The following ZRANB3 variants were observed in gnomAD, a reference collection of about 807,000 sequenced individuals.
ZRANB3 encodes zinc finger RANBP2-type containing 3, also known as DNA annealing helicase and endonuclease ZRANB3.
Under a neutral mutation model 133.8 loss-of-function variants are expected in ZRANB3, and 125 were observed. The observed-to-expected ratio is 0.93, with a 90% CI of 0.81 to 1.08. ZRANB3 has a LOEUF of 1.08. Among genes scored for constraint, ZRANB3 ranks in the 50% least tolerant of loss-of-function variants. ZRANB3 has a pLI of 0.00. For synonymous variants in ZRANB3, 387 were observed against 432.7 expected, an observed-to-expected ratio of 0.89 and a Z score of 1.31; for missense variants, 1,229 against 1,275.5, an observed-to-expected ratio of 0.96 and a Z score of 0.56.
At chr2:135,500,850 T>C (rs911509071) in intron 2 of ZRANB3, among the ~76,000 whole-genome samples, 6 of 150,758 alleles carry the variant, frequency 4.0e-5, no homozygotes, top group African/African-American at 1.2e-4. Context: ...ATGAGAGAAC[T>C]TGAAAACAGT....
intron 12 of ZRANB3, among the ~76,000 whole-genome samples, chr2:135,264,382 G>C (rs1264034456): frequency 6.7e-6 from 1 of 149,308 alleles, no homozygotes; most frequent in Non-Finnish European, 1.5e-5. Context: ...TGAGGCAGGA[G>C]AATCGCTTGA....
intron 2 of ZRANB3, among the ~76,000 whole-genome samples, chr2:135,484,604 A>G (rs971117613): frequency 1.2e-4 from 18 of 151,916 alleles, no homozygotes; most frequent in Non-Finnish European, 2.4e-4. Context: ...TATCTATGAA[A>G]AAATTGGGAG....
chr2:135,323,403 G>A (rs1683640136), intron 6 of ZRANB3, among the ~76,000 whole-genome samples: 1 of 152,194 alleles, frequency 6.6e-6, no homozygotes, highest in Admixed American at 6.5e-5. Flanking sequence ...AGATAATGGA[G>A]TGTGGAAGTT....
At chr2:135,360,005 C>T (rs1685600121) in intron 3 of ZRANB3, among the ~76,000 whole-genome samples, 1 of 152,094 alleles carries the variant, frequency 6.6e-6, no homozygotes, top group African/African-American at 2.4e-5. Context: ...TTGGCATAAT[C>T]TCATATTCCC....
intron 1 of ZRANB3, among the ~76,000 whole-genome samples, chr2:135,510,152 C>A (rs1198883720): frequency 6.6e-6 from 1 of 152,092 alleles, no homozygotes; most frequent in African/African-American, 2.4e-5. Context: ...TTGAAACACA[C>A]AGAAAGTAAG....
At chr2:135,445,517 T>C (rs2104998328) in intron 2 of ZRANB3, among the ~76,000 whole-genome samples, 1 of 151,682 alleles carries the variant, frequency 6.6e-6, no homozygotes, top group South Asian at 2.1e-4. Flanking sequence ...ATGGATTGAG[T>C]GGGAGAAAAT....
chr2:135,482,103 T>C (rs1461443589), intron 2 of ZRANB3, among the ~76,000 whole-genome samples: 1 of 137,330 alleles, frequency 7.3e-6, no homozygotes, highest in Non-Finnish European at 1.5e-5. Context: ...ATGCGGGCTC[T>C]TTTTTGGTTC....
At chr2:135,320,582 AATCTCCTTTTG>A (rs1357553257) in intron 6 of ZRANB3, among the ~76,000 whole-genome samples, 4 of 152,194 alleles carry the variant, frequency 2.6e-5, no homozygotes, top group Non-Finnish European at 4.4e-5. Context: ...TACGCCTTTT[AATCTCCTTTTG>A]ATCATATATA....
At chr2:135,225,465 G>T (rs1694722232) in intron 14 of ZRANB3, among the ~76,000 whole-genome samples, 1 of 152,108 alleles carries the variant, frequency 6.6e-6, no homozygotes, top group South Asian at 2.1e-4. Context: ...ATTCAAAAAC[G>T]CACTTTAACA....
At chr2:135,245,054 A>T (rs1695727504) in intron 12 of ZRANB3, among the ~76,000 whole-genome samples, 1 of 152,254 alleles carries the variant, frequency 6.6e-6, no homozygotes, top group Non-Finnish European at 1.5e-5. Context: ...GTGAACCAAA[A>T]GGTACTCTTA....
At chr2:135,381,109 AG>A (rs1686670471) in intron 3 of ZRANB3, among the ~76,000 whole-genome samples, 2 of 152,154 alleles carry the variant, frequency 1.3e-5, no homozygotes, top group South Asian at 4.1e-4. Context: ...AGCCAAGGGA[AG>A]GGGGTACAAA....
At chr2:135,408,499 C>A (rs1252217274) in intron 2 of ZRANB3, among the ~76,000 whole-genome samples, 1 of 152,196 alleles carries the variant, frequency 6.6e-6, no homozygotes, top group Non-Finnish European at 1.5e-5. Context: ...GATTATAAAT[C>A]ATGCTGCTAT....
chr2:135,463,818 C>G (rs1690871257), intron 2 of ZRANB3, among the ~76,000 whole-genome samples: 1 of 152,108 alleles, frequency 6.6e-6, no homozygotes, highest in African/African-American at 2.4e-5. Context: ...AGAAGTGTAC[C>G]TTAGAACTAG....
At chr2:135,271,743 C>G in intron 10 of ZRANB3, 25 bp downstream of exon 10, 1 of 1,592,730 alleles carries the variant, frequency 6.3e-7, no homozygotes, top group Non-Finnish European at 8.5e-7. Flanking sequence ...ATTTCATAAC[C>G]AAATTTAGAC....
intron 8 of ZRANB3, among the ~76,000 whole-genome samples, chr2:135,290,670 C>G (rs1042690832): frequency 2.6e-5 from 4 of 151,810 alleles, no homozygotes; most frequent in Non-Finnish European, 4.4e-5. Context: ...GGGCTCCCCC[C>G]CTCCACCCCC....
At chr2:135,334,963 T>C (rs927656761) in intron 6 of ZRANB3, among the ~76,000 whole-genome samples, 6 of 152,166 alleles carry the variant, frequency 3.9e-5, no homozygotes, top group Admixed American at 1.3e-4. Flanking sequence ...AGGATACATA[T>C]GCAGGATGTG....
rs561307809 is a variant in ZRANB3, at chr2:135,416,390, C to A, written c.162-25570G>T. Reference sequence around the variant, plus strand: ...CAAAGAGAATAAAATACTTAGGAATCCAACTTACAAGGGATGTGAAGGACC... The same window carrying A: ...CAAAGAGAATAAAATACTTAGGAATACAACTTACAAGGGATGTGAAGGACC... On this transcript the variant is annotated intron_variant, in intron 2 of 20. Transcript: ENST00000264159. 3.9e-5 allele frequency among the ~76,000 whole-genome samples: 6 copies of A among 152,142 alleles called. No individual in the cohort carries two copies. In the East Asian group the frequency reaches 1.2e-3, roughly 29 times the overall value.
chr2:135,243,490 G>A (rs1404271806), intron 12 of ZRANB3, among the ~76,000 whole-genome samples: 2 of 152,124 alleles, frequency 1.3e-5, no homozygotes, highest in Non-Finnish European at 2.9e-5. Context: ...GCAAGAGAGT[G>A]AGACTCCTTC....
intron 1 of ZRANB3, among the ~76,000 whole-genome samples, chr2:135,523,880 T>C (rs1214794967): frequency 6.6e-6 from 1 of 152,194 alleles, no homozygotes; most frequent in Admixed American, 6.5e-5. Flanking sequence ...TTGTGGGCCA[T>C]GATTTGGGAC....
Sources: allele counts gnomAD v4.1 joint callset (sites outside exome capture counted in the v4.1 genomes callset), GRCh38; gene constraint gnomAD v4.1.1; transcripts MANE v1.5; gene names NCBI Gene and HGNC (gene_info 2026-07-23, HGNC 2026-07-21).